The following LRRC37A2 variants were observed in gnomAD, a reference collection of about 807,000 sequenced individuals.
LRRC37A2 encodes leucine rich repeat containing 37 member A2.
LRRC37A2 carries 9 observed loss-of-function variants against 68.8 expected under a neutral mutation model. The observed-to-expected ratio is 0.13, with a 90% CI of 0.08 to 0.23. The LOEUF (loss-of-function observed/expected upper bound fraction) is 0.23, where lower values mean the gene tolerates loss of function less well. Ranked by LOEUF, LRRC37A2 falls within the 10% of genes least tolerant of loss-of-function variation. The pLI, the probability that LRRC37A2 is intolerant of heterozygous loss-of-function variation, is 1.00. For missense variants in LRRC37A2, 168 were observed against 950.4 expected (o/e 0.18, Z 10.82); for synonymous variants, 63 against 367.6 (o/e 0.17, Z 9.48).
the LRRC37A2 span, among the ~76,000 whole-genome samples, chr17:46,913,972 T>C: frequency 6.6e-6 from 1 of 152,122 alleles, no homozygotes; most frequent in Non-Finnish European, 1.5e-5. Flanking sequence ...TTGGCTAGAC[T>C]GGTCGCAAAC....
chr17:46,971,342 T>A, the LRRC37A2 span, among the ~76,000 whole-genome samples: 1 of 152,124 alleles, frequency 6.6e-6, no homozygotes, highest in African/African-American at 2.4e-5. Flanking sequence ...TTCTCAAAAT[T>A]AATTAATTAA....
the LRRC37A2 span, chr17:46,978,935 G>C: frequency 1.4e-6 from 2 of 1,456,716 alleles, no homozygotes; most frequent in Non-Finnish European, 1.8e-6. Flanking sequence ...CGGTTTCCCA[G>C]GGCGGCCCCG....
chr17:46,922,916 G>A, the LRRC37A2 span: 4 of 560,532 alleles, frequency 7.1e-6, no homozygotes, highest in Non-Finnish European at 9.6e-6. Flanking sequence ...CCTAACGCCT[G>A]ACTGAATCCT....
At chr17:47,024,503 T>C in the LRRC37A2 span, among the ~76,000 whole-genome samples, 1 of 151,794 alleles carries the variant, frequency 6.6e-6, no homozygotes, top group African/African-American at 2.4e-5. Flanking sequence ...GTGGTGGTGG[T>C]GGAGAGAGAT....
At chr17:46,915,020 G>A in the LRRC37A2 span, among the ~76,000 whole-genome samples, 2 of 152,158 alleles carry the variant, frequency 1.3e-5, no homozygotes, top group South Asian at 2.1e-4. Context: ...ACTCTTTGAG[G>A]TTGGTTATCT....
the LRRC37A2 span, among the ~76,000 whole-genome samples, chr17:46,792,474 C>A: frequency 1.3e-5 from 2 of 152,010 alleles, no homozygotes; most frequent in Non-Finnish European, 2.9e-5. Flanking sequence ...CTCAGAGTGG[C>A]CATTTTATTA....
At chr17:46,489,567 C>A in the LRRC37A2 span, among the ~76,000 whole-genome samples, 1 of 148,814 alleles carries the variant, frequency 6.7e-6, no homozygotes, top group Non-Finnish European at 1.5e-5. Context: ...CTCACTGCAA[C>A]TTCCACCTCC....
the LRRC37A2 span, among the ~76,000 whole-genome samples, chr17:46,883,185 C>T: frequency 0.44 from 66,890 of 151,336 alleles, 16,593 homozygotes; most frequent in African/African-American, 0.69. Context: ...GGTTTCACCA[C>T]GTTAGCCAGG....
chr17:46,851,592 C>T, the LRRC37A2 span: 1 of 1,127,774 alleles, frequency 8.9e-7, no homozygotes, highest in Non-Finnish European at 1.1e-6. This position sits in a 1 kb window ranked among gnomAD's most constrained non-coding sequence, Gnocchi z 4.3. Context: ...GAGCTGCGAG[C>T]TTGAGCGGCG....
the LRRC37A2 span, among the ~76,000 whole-genome samples, chr17:46,841,829 G>C: frequency 1.3e-5 from 2 of 152,260 alleles, no homozygotes; most frequent in African/African-American, 4.8e-5. Context: ...TGAGCTCCGC[G>C]TTTGCCGTGT....
the LRRC37A2 span, among the ~76,000 whole-genome samples, chr17:46,716,770 A>G: frequency 1.1e-3 from 166 of 152,320 alleles, no homozygotes; most frequent in Admixed American, 6.5e-3. Flanking sequence ...TTGTCCTTCA[A>G]TTCTCTTTTC....
the LRRC37A2 span, among the ~76,000 whole-genome samples, chr17:46,786,955 T>G: frequency 2.0e-5 from 3 of 151,494 alleles, no homozygotes; most frequent in Admixed American, 1.3e-4. Flanking sequence ...TTTTTTTTTT[T>G]GAGACAGGGT....
At chr17:46,675,617 TAGAG>T in the LRRC37A2 span, among the ~76,000 whole-genome samples, 1 of 134,706 alleles carries the variant, frequency 7.4e-6, no homozygotes, top group Non-Finnish European at 1.5e-5. Context: ...TACATATTCA[TAGAG>T]ATTTATCATA....
At chr17:46,815,327 G>A in the LRRC37A2 span, among the ~76,000 whole-genome samples, 44 of 152,318 alleles carry the variant, frequency 2.9e-4, 1 homozygote, top group Admixed American at 2.9e-3. Context: ...GTCAGTCTGA[G>A]GCCCCTTAGA....
At chr17:46,846,237 A>G in the LRRC37A2 span, among the ~76,000 whole-genome samples, 1 of 152,216 alleles carries the variant, frequency 6.6e-6, no homozygotes, top group Non-Finnish European at 1.5e-5. Flanking sequence ...ACATTATAAA[A>G]TCAGAGGCAG....
chr17:46,493,326 GTT>G, the LRRC37A2 span, among the ~76,000 whole-genome samples: 1 of 100,456 alleles, frequency 1.0e-5, no homozygotes. Context: ...CACCTGGCTA[GTT>G]TTTTTTTTTT....
the LRRC37A2 span, chr17:46,851,753 T>TG: frequency 9.2e-7 from 1 of 1,083,476 alleles, no homozygotes; most frequent in African/African-American, 1.7e-5. This position sits in a 1 kb window ranked among gnomAD's most constrained non-coding sequence, Gnocchi z 4.3. Context: ...CTCCCCGGCC[T>TG]GCCTGTCTCT....
chr17:46,769,143 C>G, the LRRC37A2 span, among the ~76,000 whole-genome samples: 1 of 151,964 alleles, frequency 6.6e-6, no homozygotes, highest in Admixed American at 6.6e-5. Context: ...ATGGCGAAAC[C>G]CCGTCTCTAC....
chr17:46,949,610 C>A, the LRRC37A2 span, among the ~76,000 whole-genome samples: 1 of 152,180 alleles, frequency 6.6e-6, no homozygotes, highest in Non-Finnish European at 1.5e-5. Flanking sequence ...TCACGTCTAG[C>A]TGGGAAGACA....
Sources: allele counts gnomAD v4.1 joint callset (sites outside exome capture counted in the v4.1 genomes callset), GRCh38; gene constraint gnomAD v4.1.1; non-coding constraint Gnocchi (gnomAD v3.1); transcripts MANE v1.5; gene names NCBI Gene and HGNC (gene_info 2026-07-23, HGNC 2026-07-21).